Variants in DNER observed in about 807,000 individuals in gnomAD.
DNER encodes the protein delta and Notch-like epidermal growth factor-related receptor.
DNER carries 33 observed loss-of-function variants against 78.2 expected under a neutral mutation model. The ratio of observed to expected loss-of-function variants is 0.42; its 90% confidence interval spans 0.32 to 0.56. DNER has a LOEUF of 0.56. DNER is among the 20% of genes least tolerant of loss of function. The pLI, the probability that DNER is intolerant of heterozygous loss-of-function variation, is 0.11. For synonymous variants in DNER, 417 were observed against 384.8 expected, an observed-to-expected ratio of 1.08 and a Z score of -0.98; for missense variants, 918 against 975.3, an observed-to-expected ratio of 0.94 and a Z score of 0.78.
chr2:229,668,567 TATATATATATATAA>T (rs1306398202), intron 1 of DNER, among the ~76,000 whole-genome samples: 1 of 96,610 alleles, frequency 1.0e-5, no homozygotes, highest in Non-Finnish European at 2.0e-5. Context: ...TATATATATA[TATATATATATATAA>T]AAGAAGACAT....
intron 4 of DNER, among the ~76,000 whole-genome samples, chr2:229,557,203 T>C (rs113444812): frequency 7.9e-4 from 120 of 152,330 alleles, no homozygotes; most frequent in African/African-American, 2.8e-3. Flanking sequence ...TTGAGAGCTG[T>C]TGAAAAGCCA....
chr2:229,419,225 C>T (rs1693712612), intron 8 of DNER, among the ~76,000 whole-genome samples: 2 of 152,092 alleles, frequency 1.3e-5, no homozygotes, highest in African/African-American at 4.8e-5. Context: ...GGTGTTTATT[C>T]TAAAGGACAA....
At chr2:229,572,858 A>G (rs2154214070) in intron 4 of DNER, among the ~76,000 whole-genome samples, 1 of 152,362 alleles carries the variant, frequency 6.6e-6, no homozygotes. Flanking sequence ...GACTTTATGA[A>G]CAAGACTAGG....
Position 229,714,226 on chromosome 2 carries a change from G to T in DNER, c.198C>A (p.Asp66Glu). The change falls in exon 1 of 13, where the codon GAC (aspartate) becomes GAA (glutamate). Residue 66 changes from aspartate to glutamate, a missense_variant. Asp to Glu is a conservative substitution (Grantham distance 45). Coordinates refer to ENST00000341772, the MANE Select transcript of DNER (RefSeq NM_139072.4). ...GGVCTSRPEP[D>E]PQHPAPAGEP... Reference sequence around the variant, plus strand: ...CGCCGGCGGGGGCCGGGTGCTGCGGGTCCGGCTCAGGGCGCGAGGTGCACA... The same window carrying T: ...CGCCGGCGGGGGCCGGGTGCTGCGGTTCCGGCTCAGGGCGCGAGGTGCACA... The T allele has an allele frequency of 7.1e-7, 1 of 1,403,878 alleles. No individual in the cohort carries two copies. The highest frequency in any genetic ancestry group is 9.2e-7 in the Non-Finnish European group (1 of 1,081,266). 87.0% of individuals were successfully genotyped at this position (1,403,878 alleles called of 1,614,324 possible). A position where few individuals can be genotyped will look rare whatever the true frequency, so the allele number is the denominator to read the frequency against.
In DNER at chr2:229,529,255, G is replaced by A. The variant is rs147072135; in HGVS notation, c.994-16319C>T. On this transcript the variant is annotated intron_variant, in intron 5 of 12. Coordinates refer to ENST00000341772, the MANE Select transcript of DNER (RefSeq NM_139072.4). ...GAAGAAATCCTAACAATAGAGGAGCGAGCTTCGGCTGAAAAATCAATGAAA... is the reference window on the plus strand; with the variant it reads ...GAAGAAATCCTAACAATAGAGGAGCAAGCTTCGGCTGAAAAATCAATGAAA... 7.0e-4 allele frequency among the ~76,000 whole-genome samples: 107 copies of A among 151,882 alleles called. 1 individual carries two copies. Among genetic ancestry groups the A allele is most frequent in the East Asian group, 3.3e-3 (17 of 5,176 alleles).
At chr2:229,525,579 A>G (rs150844670) in intron 5 of DNER, among the ~76,000 whole-genome samples, 6 of 152,344 alleles carry the variant, frequency 3.9e-5, no homozygotes, top group African/African-American at 1.4e-4. Flanking sequence ...TTTTATTTCT[A>G]TAGTCTCTGA....
intron 1 of DNER, among the ~76,000 whole-genome samples, chr2:229,686,296 C>T (rs1559209210): frequency 6.6e-6 from 1 of 152,064 alleles, no homozygotes; most frequent in Non-Finnish European, 1.5e-5. Flanking sequence ...GCCCGCACTA[C>T]CACCGTCACC....
At chr2:229,458,866 T>C (rs577116110) in intron 7 of DNER, among the ~76,000 whole-genome samples, 2 of 151,500 alleles carry the variant, frequency 1.3e-5, no homozygotes, top group South Asian at 4.2e-4. Flanking sequence ...ACAAAGAAAA[T>C]CCAAAGAAAT....
chr2:229,545,132 C>T (rs1696597133), intron 5 of DNER, among the ~76,000 whole-genome samples: 1 of 152,208 alleles, frequency 6.6e-6, no homozygotes, highest in African/African-American at 2.4e-5. Flanking sequence ...TAACTAGAGA[C>T]AAAAATAAAG....
intron 3 of DNER, among the ~76,000 whole-genome samples, chr2:229,587,489 T>G (rs1697524015): frequency 1.3e-5 from 2 of 151,980 alleles, no homozygotes; most frequent in South Asian, 4.1e-4. Flanking sequence ...CTCCACTGTT[T>G]AGAAAGCCAG....
intron 1 of DNER, among the ~76,000 whole-genome samples, chr2:229,661,759 T>G (rs1699014317): frequency 6.6e-6 from 1 of 152,202 alleles, no homozygotes; most frequent in Non-Finnish European, 1.5e-5. Flanking sequence ...GTGGAAACTT[T>G]TTCAATTAAA....
At position 229,552,394 on chromosome 2, in the gene DNER, C is replaced by T. The variant is rs542829512; in HGVS notation, c.848-5302G>A. ...TCCTCTGAAAGAAATCTGGAGGGTG[C>T]TGCTATGGTTTGGCTGTGTCCCCAC... On this transcript the variant is annotated intron_variant, in intron 4 of 12. Coordinates refer to ENST00000341772, the MANE Select transcript of DNER (RefSeq NM_139072.4). 5.3e-5 allele frequency among the ~76,000 whole-genome samples: 8 copies of T among 152,314 alleles called. No individual in the cohort carries two copies. The South Asian group carries it at 1.2e-3, about 24-fold the overall frequency.
intron 8 of DNER, 86 bp from the exon 9 acceptor site, chr2:229,418,316 G>T (rs1161216923): frequency 2.6e-6 from 4 of 1,560,874 alleles, no homozygotes; most frequent in South Asian, 1.2e-5. Context: ...GCAGTTGGGG[G>T]TATTCATTAG....
chr2:229,598,339 C>A (rs186678130), intron 1 of DNER, among the ~76,000 whole-genome samples: 7 of 152,212 alleles, frequency 4.6e-5, no homozygotes, highest in Non-Finnish European at 1.0e-4. Flanking sequence ...TTATCAAGCA[C>A]CTATGATGTG....
intron 1 of DNER, among the ~76,000 whole-genome samples, chr2:229,697,346 G>A (rs1478308585): frequency 6.6e-6 from 1 of 152,228 alleles, no homozygotes; most frequent in Non-Finnish European, 1.5e-5. Flanking sequence ...TGACTGGGAG[G>A]AGGGAGGAAA....
In DNER at chr2:229,678,159, A is replaced by G. The variant is rs571687827; in HGVS notation, c.276+35989T>C. 9.8e-5 allele frequency among the ~76,000 whole-genome samples: 15 copies of G among 152,332 alleles called. No individual in the cohort carries two copies. The East Asian group carries it at 2.9e-3, about 29-fold the overall frequency. ...CCATGCATGGCAGCAAGCAAGTTGA[A>G]GCACGTGTCTTCCAGGGCAGTACAC... On this transcript the variant is annotated intron_variant, in intron 1 of 12. Transcript: ENST00000341772.
chr2:229,647,497 T>C (rs1403818497), intron 1 of DNER, among the ~76,000 whole-genome samples: 3 of 152,208 alleles, frequency 2.0e-5, no homozygotes, highest in African/African-American at 7.2e-5. Flanking sequence ...GAAATAGATA[T>C]CAAAAACTAT....
At chr2:229,418,374 G>A (rs947981383) in intron 8 of DNER, 144 bp from the exon 9 acceptor site, 15 of 1,182,310 alleles carry the variant, frequency 1.3e-5, no homozygotes, top group Non-Finnish European at 1.7e-5. Flanking sequence ...ATCTCTTGGG[G>A]TAAAGTTGAA....
At chr2:229,520,755 G>A (rs2154212566) in intron 5 of DNER, among the ~76,000 whole-genome samples, 1 of 152,294 alleles carries the variant, frequency 6.6e-6, no homozygotes. Context: ...CAGGACTGCT[G>A]TGGAGAACAC....
Sources: allele counts gnomAD v4.1 joint callset (sites outside exome capture counted in the v4.1 genomes callset), GRCh38; gene constraint gnomAD v4.1.1; transcripts MANE v1.5; gene names NCBI Gene and HGNC (gene_info 2026-07-23, HGNC 2026-07-21).